CAPN11: variants seen among roughly 807,000 people sequenced by gnomAD.
CAPN11 encodes calpain-11.
CAPN11 carries 108 observed loss-of-function variants against 105.3 expected under a neutral mutation model. The observed-to-expected ratio is 1.03, with a 90% CI of 0.88 to 1.20. The LOEUF is 1.20. Ranked by LOEUF, CAPN11 falls within the 50% of genes most tolerant of loss-of-function variation. The probability of loss-of-function intolerance (pLI) is 0.00; values close to 1 mark genes in which losing one functional copy is unlikely to be tolerated. For missense variants in CAPN11, 883 were observed against 924.8 expected, an observed-to-expected ratio of 0.95 and a Z score of 0.59; for synonymous variants, 329 against 344.5, an observed-to-expected ratio of 0.96 and a Z score of 0.50.
Position 44,173,159 on chromosome 6 carries a change from A to T in CAPN11, c.663-59A>T, listed in dbSNP as rs992355441. 7 of 1,604,096 alleles carry T rather than the reference A, an allele frequency of 4.4e-6. No individual in the cohort carries two copies. The African/African-American group carries it at 9.4e-5, about 21-fold the overall frequency. ...GGGGGAGGGGAGGGGGTAGCAGGAC[A>T]TCCCTCCCTCCCCTCACCTCCATCC... On this transcript the variant is annotated intron_variant, in intron 6 of 22. Transcript: ENST00000398776.
At position 44,176,620 on chromosome 6, in the gene CAPN11, G is replaced by A; in HGVS notation, c.1041G>A (p.Met347Ile). The change falls in exon 10 of 23, where the codon ATG (methionine) becomes ATA (isoleucine). Residue 347 changes from methionine (M) to isoleucine (I), a missense_variant. Transcript: ENST00000398776. ...EWEEVASDIQ[M>I]QLLHKTEDGE... ...AAGAGGTGGCCTCAGACATCCAGAT[G>A]CAGCTGCTGCACAAGACGGAGGACG... 6.2e-7 allele frequency: 1 copy of A among 1,609,494 alleles called. No individual in the cohort carries two copies. The highest frequency in any genetic ancestry group is 8.5e-7 in the Non-Finnish European group (1 of 1,177,222).
intron 12 of CAPN11, 56 bp downstream of exon 12, chr6:44,177,476 C>CTT (rs1168734737): frequency 3.0e-6 from 4 of 1,326,066 alleles, no homozygotes; most frequent in East Asian, 2.4e-5. Context: ...GACCTCACTC[C>CTT]TTTCTTTCTT....
Position 44,184,180 on chromosome 6 carries a change from C to T in CAPN11, c.*248C>T. 1 of 580,114 alleles carries T rather than the reference C, an allele frequency of 1.7e-6. No homozygotes were observed. Among genetic ancestry groups the T allele is most frequent in the South Asian group, 2.1e-5 (1 of 47,044 alleles). 35.9% of individuals were successfully genotyped at this position (580,114 alleles called of 1,614,324 possible). A position where few individuals can be genotyped will look rare whatever the true frequency, so the allele number is the denominator to read the frequency against. ...CTTCTGATGGCTGGCTTTCCCCCAC[C>T]ATCGCTCTCTCAGAGTATATTTTAC... On this transcript the variant is annotated 3_prime_UTR_variant, in exon 23 of 23. Transcript: ENST00000398776.
intron 1 of CAPN11, chr6:44,162,018 T>C (rs1222660047): frequency 4.9e-6 from 2 of 410,142 alleles, no homozygotes; most frequent in African/African-American, 4.1e-5. Context: ...GCAGCATCCC[T>C]GGCCTCTACT....
chr6:44,174,616 C>CTTT (rs56119973), intron 7 of CAPN11, among the ~76,000 whole-genome samples: 7 of 81,492 alleles, frequency 8.6e-5, no homozygotes, highest in South Asian at 4.2e-4. Context: ...TCACGATATT[C>CTTT]TTTTTTTTTT....
chr6:44,179,722 A>C, intron 13 of CAPN11, 92 bp downstream of exon 13: 1 of 1,383,378 alleles, frequency 7.2e-7, no homozygotes, highest in East Asian at 2.3e-5. Flanking sequence ...GAATTTGGCG[A>C]GAGGCTCTGG....
At chr6:44,173,881 G>A (rs1771482954) in intron 7 of CAPN11, among the ~76,000 whole-genome samples, 1 of 152,178 alleles carries the variant, frequency 6.6e-6, no homozygotes, top group Admixed American at 6.5e-5. Context: ...ACGGTGCCCA[G>A]CCAGCCCTGT....
At chr6:44,165,949 G>A (rs577338360) in intron 1 of CAPN11, among the ~76,000 whole-genome samples, 1 of 152,278 alleles carries the variant, frequency 6.6e-6, no homozygotes, top group Admixed American at 6.5e-5. Context: ...AGGTCTGGGG[G>A]TTGTCTGAAG....
In CAPN11 at chr6:44,180,092, C is replaced by T; in HGVS notation, c.1569C>T (p.Pro523=). ...RLPPGEYIII[P]STFEPHRDAD... The stretch of plus-strand genomic sequence containing the variant: ...CTCCGGGGGAATATATCATTATTCC[C>T]TCCACCTTTGAGCCACACAGAGATG... The change falls in exon 14 of 23, where the codon CCC becomes CCT. Residue 523 remains proline (P), a synonymous_variant. Coordinates refer to ENST00000398776, the MANE Select transcript of CAPN11 (RefSeq NM_007058.4). 2 of 1,613,606 alleles carry T rather than the reference C, an allele frequency of 1.2e-6. No homozygotes were observed. The highest frequency in any genetic ancestry group is 1.1e-5 in the South Asian group (1 of 91,054).
rs746808373 is a variant in CAPN11, at chr6:44,182,987, C to A, written c.1985C>A (p.Ser662Tyr). 10 of 1,612,250 alleles carry A rather than the reference C, an allele frequency of 6.2e-6. No individual in the cohort carries two copies. In the South Asian group the frequency reaches 8.8e-5, roughly 14 times the overall value. ...CAGGACCATTCAGGCACCTTGAACT[C>A]CTATGAGATGCGCCTGGTTATTGAG... ...CDQDHSGTLNSYEMRLVIEKA... is the reference protein window; with the variant it reads ...CDQDHSGTLNYYEMRLVIEKA... The change falls in exon 20 of 23, where the codon TCC (serine) becomes TAC (tyrosine). Residue 662 changes from serine (S) to tyrosine (Y), a missense_variant. By Grantham distance (144) the Ser-to-Tyr change is moderately radical. Coordinates refer to ENST00000398776, the MANE Select transcript of CAPN11 (RefSeq NM_007058.4).
chr6:44,159,166 T>A lies in CAPN11; in HGVS notation c.16+302T>A, dbSNP rs141922090. Among the ~76,000 whole-genome samples, 93 of 151,616 alleles carry A rather than the reference T, an allele frequency of 6.1e-4. 1 individual carries two copies. The East Asian group carries it at 0.014, about 22-fold the overall frequency. ...TTCTCCTCTCCACTGACAGTTGGAG[T>A]TGGGGAGAGGAGAGGGGCCGGCCAT... On this transcript the variant is annotated intron_variant, in intron 1 of 22. Coordinates refer to ENST00000398776, the MANE Select transcript of CAPN11 (RefSeq NM_007058.4).
intron 19 of CAPN11, 104 bp downstream of exon 19, chr6:44,181,424 A>T: frequency 1.2e-6 from 1 of 808,812 alleles, no homozygotes; most frequent in Admixed American, 2.2e-5. Flanking sequence ...AACCACACAC[A>T]CACACACACC....
Position 44,179,944 on chromosome 6 carries a change from G to A in CAPN11, c.1429-8G>A. ...CCAGTCCTGTACCCACTTCCAGGATGCATATAGTTTCAGAACATTCAGGAT... is the reference window on the plus strand; with the variant it reads ...CCAGTCCTGTACCCACTTCCAGGATACATATAGTTTCAGAACATTCAGGAT... On this transcript the variant is annotated splice_region_variant and splice_polypyrimidine_tract_variant and intron_variant, in intron 13 of 22. Coordinates refer to ENST00000398776, the MANE Select transcript of CAPN11 (RefSeq NM_007058.4). The A allele has an allele frequency of 6.2e-7, 1 of 1,602,194 alleles. No individual in the cohort carries two copies. Among genetic ancestry groups the A allele is most frequent in the Non-Finnish European group, 8.6e-7 (1 of 1,169,222 alleles).
In CAPN11 at chr6:44,166,397, C is replaced by T. The variant is rs112983446; in HGVS notation, c.17-361C>T. On this transcript the variant is annotated intron_variant, in intron 1 of 22. Transcript: ENST00000398776. ...AAGCTGCTTAGCCTCTGGGCCTCTG[C>T]TCCCTTTCCCAGTAATCAGGGTATT... 8.2e-4 allele frequency among the ~76,000 whole-genome samples: 125 copies of T among 152,304 alleles called. 1 individual carries two copies. The highest frequency in any genetic ancestry group is 2.8e-3 in the African/African-American group (118 of 41,570).
chr6:44,162,968 A>G (rs943137447), intron 1 of CAPN11, among the ~76,000 whole-genome samples: 2 of 152,140 alleles, frequency 1.3e-5, no homozygotes, highest in African/African-American at 4.8e-5. Flanking sequence ...ATTAAATCCT[A>G]TGATGGAGGG....
chr6:44,172,537 G>A, intron 5 of CAPN11, 117 bp downstream of exon 5: 1 of 660,868 alleles, frequency 1.5e-6, no homozygotes, highest in South Asian at 2.1e-5. Flanking sequence ...GTGGGTTTTG[G>A]ACTAATTATC....
rs1386297423 is a variant in CAPN11 at position 44,183,694 on chromosome 6, C to G, written c.2135-11C>G. ...ATTCAGCCCCTCTCCCCCGCTTCCT[C>G]TGTAACGCAGCATTCTTTCTAACCA... On this transcript the variant is annotated splice_polypyrimidine_tract_variant and intron_variant, in intron 21 of 22. Coordinates refer to ENST00000398776, the MANE Select transcript of CAPN11 (RefSeq NM_007058.4). 2 of 1,613,614 alleles carry G rather than the reference C, an allele frequency of 1.2e-6. No homozygotes were observed. Among genetic ancestry groups the G allele is most frequent in the South Asian group, 2.2e-5 (2 of 90,974 alleles).
At chr6:44,175,988 G>C in intron 7 of CAPN11, 80 bp from the exon 8 acceptor site, 1 of 828,524 alleles carries the variant, frequency 1.2e-6, no homozygotes, top group Non-Finnish European at 2.0e-6. Flanking sequence ...TGGAGAGCTC[G>C]CCCCTTCCTT....
At chr6:44,183,046 G>C in intron 20 of CAPN11, 27 bp downstream of exon 20, 1 of 1,605,168 alleles carries the variant, frequency 6.2e-7, no homozygotes, top group Non-Finnish European at 8.5e-7. Context: ...AGTGGGCCTT[G>C]GGGCAGGGAA....
Sources: allele counts gnomAD v4.1 joint callset (sites outside exome capture counted in the v4.1 genomes callset), GRCh38; gene constraint gnomAD v4.1.1; transcripts MANE v1.5; gene names NCBI Gene and HGNC (gene_info 2026-07-23, HGNC 2026-07-21).